Variants in BPGM observed in about 807,000 individuals in gnomAD.
BPGM encodes the protein 2,3-bisphosphoglycerate mutase, erythrocyte.
Under a neutral mutation model 21.6 loss-of-function variants are expected in BPGM, and 15 were observed. That is an observed-to-expected ratio of 0.70 (90% CI 0.47 to 1.07). The LOEUF (loss-of-function observed/expected upper bound fraction) is 1.07. Among genes scored for constraint, BPGM ranks in the 50% least tolerant of loss-of-function variants. BPGM has a pLI of 0.00. For missense variants in BPGM, 273 were observed against 319.0 expected, an observed-to-expected ratio of 0.86 and a Z score of 1.10; for synonymous variants, 113 against 116.2, an observed-to-expected ratio of 0.97 and a Z score of 0.18.
intron 1 of BPGM, among the ~76,000 whole-genome samples, chr7:134,652,624 C>T (rs947880872): frequency 1.4e-4 from 22 of 152,180 alleles, no homozygotes; most frequent in Non-Finnish European, 8.8e-5. Context: ...TTAACCCCCT[C>T]GCTCCTGTTA....
intron 1 of BPGM, among the ~76,000 whole-genome samples, chr7:134,656,479 A>G (rs1223713992): frequency 1.3e-5 from 2 of 152,254 alleles, no homozygotes; most frequent in Non-Finnish European, 2.9e-5. Context: ...TTATAAAGGA[A>G]AGAGGTTTAA....
At chr7:134,671,722 T>A (rs1795908062) in intron 2 of BPGM, among the ~76,000 whole-genome samples, 1 of 152,182 alleles carries the variant, frequency 6.6e-6, no homozygotes, top group Middle Eastern at 3.2e-3. Context: ...ACATAATAAA[T>A]ACAGCTGTAA....
intron 1 of BPGM, among the ~76,000 whole-genome samples, chr7:134,648,702 C>T (rs1019348174): frequency 6.7e-6 from 1 of 150,298 alleles, no homozygotes; most frequent in Non-Finnish European, 1.5e-5. Flanking sequence ...TTTTTTGAGA[C>T]AGGGTCTCGC....
chr7:134,650,105 A>G (rs528963492), intron 1 of BPGM, among the ~76,000 whole-genome samples: 2 of 152,366 alleles, frequency 1.3e-5, no homozygotes, highest in East Asian at 3.9e-4. Flanking sequence ...TCACATTGTC[A>G]GTCAGTAGCA....
At chr7:134,673,988 C>G (rs373544320) in intron 2 of BPGM, among the ~76,000 whole-genome samples, 4 of 148,840 alleles carry the variant, frequency 2.7e-5, no homozygotes, top group East Asian at 2.0e-4. Flanking sequence ...TCTCGGTTCA[C>G]TGCAACCTCC....
At chr7:134,650,302 G>A (rs1376765436) in intron 1 of BPGM, among the ~76,000 whole-genome samples, 1 of 152,182 alleles carries the variant, frequency 6.6e-6, no homozygotes, top group Non-Finnish European at 1.5e-5. Context: ...CATGCCCTGA[G>A]CAAATGCACA....
intron 1 of BPGM, among the ~76,000 whole-genome samples, chr7:134,656,587 G>T (rs1321673291): frequency 6.6e-6 from 1 of 152,186 alleles, no homozygotes; most frequent in African/African-American, 2.4e-5. Flanking sequence ...TGGCAGCAAG[G>T]AGAAGTATAA....
chr7:134,669,491 A>T (rs554841087), intron 2 of BPGM, among the ~76,000 whole-genome samples: 1 of 152,038 alleles, frequency 6.6e-6, no homozygotes, highest in Non-Finnish European at 1.5e-5. Flanking sequence ...TCTTGTAACA[A>T]CCTAGTCTAG....
chr7:134,670,110 C>G (rs1421167686), intron 2 of BPGM, among the ~76,000 whole-genome samples: 1 of 152,168 alleles, frequency 6.6e-6, no homozygotes, highest in African/African-American at 2.4e-5. Flanking sequence ...CTGCATCTTG[C>G]CAGAGGAAAT....
At chr7:134,671,363 C>CT (rs563524361) in intron 2 of BPGM, among the ~76,000 whole-genome samples, 24,983 of 133,870 alleles carry the variant, frequency 0.19, 2,607 homozygotes, top group African/African-American at 0.23. Context: ...ACATTTTGTT[C>CT]TTTTTTTTTT....
chr7:134,653,356 C>T (rs186655526), intron 1 of BPGM, among the ~76,000 whole-genome samples: 2 of 152,162 alleles, frequency 1.3e-5, no homozygotes, highest in East Asian at 1.9e-4. Flanking sequence ...CTCACTTAAA[C>T]GGCCATTGTC....
intron 2 of BPGM, among the ~76,000 whole-genome samples, chr7:134,665,890 C>G (rs1585861652): frequency 7.5e-6 from 1 of 133,276 alleles, no homozygotes. Flanking sequence ...CTTTTCTTTT[C>G]TTTTTTAGAC....
At chr7:134,658,536 C>G (rs890993188) in intron 1 of BPGM, 4 of 152,266 alleles carry the variant, frequency 2.6e-5, no homozygotes, top group Non-Finnish European at 4.4e-5. Flanking sequence ...TTTGAGTTTG[C>G]AATCCATGCC....
rs1164169964 is a variant in BPGM at position 134,665,649 on chromosome 7, GAAAAAA to G, written c.601+3560_601+3565del. The stretch of plus-strand genomic sequence containing the variant: ...AAAATAAAATAAAATAAAAATTAAT[GAAAAAA>G]AAAAAAAAAAAAAAAAAAGTGCAGC... On this transcript the variant is annotated intron_variant, in intron 2 of 2. Coordinates refer to ENST00000344924, the MANE Select transcript of BPGM (RefSeq NM_001724.5). 2.8e-3 allele frequency among the ~76,000 whole-genome samples: 222 copies of G among 78,252 alleles called. 63 individuals carry two copies. The highest frequency in any genetic ancestry group is 4.8e-3 in the Non-Finnish European group (156 of 32,466). 51.3% of individuals were successfully genotyped at this position (78,252 alleles called of 152,430 possible). A position where few individuals can be genotyped will look rare whatever the true frequency, so the allele number is the denominator to read the frequency against.
At chr7:134,652,353 G>T (rs1795569488) in intron 1 of BPGM, among the ~76,000 whole-genome samples, 1 of 152,154 alleles carries the variant, frequency 6.6e-6, no homozygotes, top group South Asian at 2.1e-4. Flanking sequence ...AATTATGGAT[G>T]CATAATAGTT....
chr7:134,673,508 T>C (rs1795939213), intron 2 of BPGM, among the ~76,000 whole-genome samples: 1 of 152,184 alleles, frequency 6.6e-6, no homozygotes, highest in East Asian at 1.9e-4. Context: ...TCTGAGGCCA[T>C]GGTCAAACAA....
chr7:134,666,636 A>G (rs1490732808), intron 2 of BPGM, among the ~76,000 whole-genome samples: 4 of 152,208 alleles, frequency 2.6e-5, no homozygotes, highest in African/African-American at 9.6e-5. Context: ...GTGGTACTCC[A>G]ATTAACACTA....
intron 1 of BPGM, among the ~76,000 whole-genome samples, chr7:134,655,551 T>C (rs12667629): frequency 0.58 from 88,796 of 152,122 alleles, 26,929 homozygotes; most frequent in East Asian, 0.89. Flanking sequence ...CTCCATTTTT[T>C]TCTGTGGAGA....
chr7:134,670,342 T>C (rs1233573016), intron 2 of BPGM, among the ~76,000 whole-genome samples: 2 of 152,220 alleles, frequency 1.3e-5, no homozygotes, highest in African/African-American at 4.8e-5. Flanking sequence ...TGGTTACCTT[T>C]GGCATTTTAG....
Sources: allele counts gnomAD v4.1 joint callset (sites outside exome capture counted in the v4.1 genomes callset), GRCh38; gene constraint gnomAD v4.1.1; transcripts MANE v1.5; gene names NCBI Gene and HGNC (gene_info 2026-07-23, HGNC 2026-07-21).